Variants in ARHGEF19 observed in about 807,000 individuals in gnomAD.
ARHGEF19 encodes Rho guanine nucleotide exchange factor (GEF) 19.
In ARHGEF19, 92 loss-of-function variants were observed where a neutral mutation model predicts 87.6. The ratio of observed to expected loss-of-function variants is 1.05; its 90% CI spans 0.89 to 1.25. The LOEUF (loss-of-function observed/expected upper bound fraction) is 1.25, where lower values mean the gene tolerates loss of function less well. Ranked by LOEUF, ARHGEF19 falls within the 50% of genes most tolerant of loss-of-function variation. The pLI is 0.00. For missense variants in ARHGEF19, 1,054 were observed against 1,051.8 expected, an observed-to-expected ratio of 1.00 and a Z score of -0.03; for synonymous variants, 438 against 446.2, an observed-to-expected ratio of 0.98 and a Z score of 0.23.
rs769037249 is a variant in ARHGEF19, at chr1:16,206,910, G to GCCCGCCCCCGC, written c.1137+27_1137+37dup. 9 of 1,417,524 alleles carry GCCCGCCCCCGC rather than the reference G, an allele frequency of 6.3e-6. No homozygotes were observed. The South Asian group carries it at 7.4e-5, about 12-fold the overall frequency. 87.8% of individuals were successfully genotyped at this position (1,417,524 alleles called of 1,614,324 possible). ...AAGTCCCCGGACCGCGTACTCCCCG[G>GCCCGCCCCCGC]CCCGCCCCCGCCCCGCCGGGTCCCC... On this transcript the variant is annotated intron_variant, in intron 6 of 15. Coordinates refer to ENST00000270747, the MANE Select transcript of ARHGEF19 (RefSeq NM_153213.5). The surrounding 1 kb of genome is among the most constrained non-coding windows in gnomAD (Gnocchi z 4.6).
intron 1 of ARHGEF19, among the ~76,000 whole-genome samples, chr1:16,209,962 C>T (rs1159795235): frequency 6.6e-6 from 1 of 152,246 alleles, no homozygotes; most frequent in Admixed American, 6.5e-5. Flanking sequence ...GAGGGGCTGT[C>T]CCCCACCCCA....
At chr1:16,200,835 A>G (rs1196283506) in intron 14 of ARHGEF19, among the ~76,000 whole-genome samples, 1 of 152,104 alleles carries the variant, frequency 6.6e-6, no homozygotes. Flanking sequence ...CAGGAGGTGG[A>G]GGTTGCAATG....
chr1:16,202,351 A>G (rs1290171894), intron 13 of ARHGEF19, 65 bp downstream of exon 13: 46 of 1,511,712 alleles, frequency 3.0e-5, no homozygotes, highest in Non-Finnish European at 2.7e-6. Context: ...GGTGCCCATC[A>G]TGGGGACGGG....
Position 16,206,177 on chromosome 1 carries a change from C to T in ARHGEF19, c.1298+3G>A, listed in dbSNP as rs1360801399. ...CCCGGGCCAGGCCAGACCACTTCTT[C>T]ACCTCTCGCTGGTGCTCTTGACCTC... On this transcript the variant is annotated splice_donor_region_variant and intron_variant, in intron 7 of 15. Transcript: ENST00000270747. This position sits in a 1 kb window ranked among gnomAD's most constrained non-coding sequence, Gnocchi z 4.6. 23 of 1,592,500 alleles carry T rather than the reference C, an allele frequency of 1.4e-5. No homozygotes were observed. Among genetic ancestry groups the T allele is most frequent in the Non-Finnish European group, 1.5e-5 (18 of 1,167,742 alleles).
rs1289597389 is a variant in ARHGEF19, at chr1:16,208,732, G to A, written c.323C>T (p.Ala108Val). 6.8e-6 allele frequency: 11 copies of A among 1,609,942 alleles called. No individual in the cohort carries two copies. Among genetic ancestry groups the A allele is most frequent in the Non-Finnish European group, 9.3e-6 (11 of 1,178,672 alleles). ...RAGSWPHCPG[A>V]QPPALEGPWS... ...GGGTCCCTCCAGAGCTGGGGGCTGG[G>A]CACCAGGACAGTGTGGCCAGCTGCC... Residue 108 changes from alanine to valine, a missense_variant, in exon 2 of 16, where the codon GCC becomes GTC. By Grantham distance (64) the Ala-to-Val change is moderately conservative. Coordinates refer to ENST00000270747, the MANE Select transcript of ARHGEF19 (RefSeq NM_153213.5).
chr1:16,208,597 T>G, intron 2 of ARHGEF19, 46 bp downstream of exon 2: 2 of 1,543,698 alleles, frequency 1.3e-6, no homozygotes, highest in Non-Finnish European at 1.7e-6. Flanking sequence ...CCCTCCCCTA[T>G]CCCCCTGCCA....
At chr1:16,212,393 G>C (rs1451300487) in intron 1 of ARHGEF19, 109 bp downstream of exon 1, 1 of 152,496 alleles carries the variant, frequency 6.6e-6, no homozygotes, top group Non-Finnish European at 1.5e-5. Context: ...GAAGGCCATA[G>C]TGGGTCAGAG....
chr1:16,201,842 T>C lies in ARHGEF19; in HGVS notation c.2086A>G (p.Ile696Val), dbSNP rs767107706. The part of the protein sequence containing the change: ...ARTESEKQRW[I>V]SALCPSSPQE... Reference sequence around the variant, plus strand: ...GGGCTGGAGGGGCACAAGGCTGAGATCCATCGCTGCTTCTCACTTCTAGGG... The same window carrying C: ...GGGCTGGAGGGGCACAAGGCTGAGACCCATCGCTGCTTCTCACTTCTAGGG... The change falls in exon 14 of 16, where the codon ATC (isoleucine) becomes GTC (valine). Residue 696 changes from isoleucine (I) to valine (V), a missense_variant. Coordinates refer to ENST00000270747, the MANE Select transcript of ARHGEF19 (RefSeq NM_153213.5). The C allele has an allele frequency of 6.2e-7, 1 of 1,613,836 alleles. No individual in the cohort carries two copies. Among genetic ancestry groups the C allele is most frequent in the African/African-American group, 1.3e-5 (1 of 75,018 alleles).
chr1:16,211,331 G>A (rs974549532), intron 1 of ARHGEF19, among the ~76,000 whole-genome samples: 2 of 152,180 alleles, frequency 1.3e-5, no homozygotes, highest in Non-Finnish European at 2.9e-5. Flanking sequence ...AGTCCCACTT[G>A]CTTCTGGGGG....
In ARHGEF19 at chr1:16,202,561, C is replaced by T. The variant is rs2081092482; in HGVS notation, c.1921G>A (p.Ala641Thr). ...LSRRKELGKF[A>T]VFVHAKMAEL... Reference sequence around the variant, plus strand: ...GCCATCTTGGCATGGACGAAAACGGCAAACTTCCCTAGCCTGGAGGACCGG... The same window carrying T: ...GCCATCTTGGCATGGACGAAAACGGTAAACTTCCCTAGCCTGGAGGACCGG... Residue 641 changes from alanine to threonine, a missense_variant, in exon 13 of 16, where the codon GCC becomes ACC. Coordinates refer to ENST00000270747, the MANE Select transcript of ARHGEF19 (RefSeq NM_153213.5). The T allele has an allele frequency of 6.2e-7, 1 of 1,613,424 alleles. No homozygotes were observed.
chr1:16,206,956 G>A lies in ARHGEF19; in HGVS notation c.1129C>T (p.Leu377=). 1.3e-6 allele frequency: 2 copies of A among 1,492,158 alleles called. No homozygotes were observed. The highest frequency in any genetic ancestry group is 2.5e-5 in the South Asian group (2 of 79,630). The allele number at this position is 1,492,158 out of a possible 1,614,324, so 92.4% of individuals were successfully genotyped here. ...TCCCCGCGCGCGCCCACCTCCTGCAGCTTGCAGTCCCGCAGGCTCAGCGTG... is the reference window on the plus strand; with the variant it reads ...TCCCCGCGCGCGCCCACCTCCTGCAACTTGCAGTCCCGCAGGCTCAGCGTG... The part of the protein sequence containing the change: ...LATLSLRDCK[L]QEAKFELITS... Residue 377 remains leucine, a synonymous_variant, in exon 6 of 16, where the codon CTG becomes TTG. Transcript: ENST00000270747. This position sits in a 1 kb window ranked among gnomAD's most constrained non-coding sequence, Gnocchi z 4.6.
chr1:16,209,378 G>A (rs1411994271), intron 1 of ARHGEF19, among the ~76,000 whole-genome samples: 4 of 152,154 alleles, frequency 2.6e-5, no homozygotes, highest in African/African-American at 7.2e-5. Context: ...AGGTTATTTG[G>A]TAAATGGTGG....
rs752160925 is a variant in ARHGEF19 at position 16,202,414 on chromosome 1, A to C, written c.2066+2T>G. The C allele has an allele frequency of 6.2e-7, 1 of 1,609,588 alleles. No homozygotes were observed. Among genetic ancestry groups the C allele is most frequent in the Non-Finnish European group, 8.5e-7 (1 of 1,178,024 alleles). ...CTCTCTCCCATATCCAGGCCCACTC[A>C]CTCCGTCCGGGCCCGCAGCAGGAAC... is the stretch of plus-strand genomic sequence containing the variant. On this transcript the variant is annotated splice_donor_variant, in intron 13 of 15. Transcript: ENST00000270747. LOFTEE classifies it high-confidence loss of function.
chr1:16,209,351 G>T (rs1037706541), intron 1 of ARHGEF19, among the ~76,000 whole-genome samples: 3 of 152,208 alleles, frequency 2.0e-5, no homozygotes, highest in African/African-American at 7.2e-5. Flanking sequence ...TATAGGTGAG[G>T]AAACTGAGGC....
At position 16,206,184 on chromosome 1, in the gene ARHGEF19, C is replaced by A; in HGVS notation, c.1294G>T (p.Glu432Ter). ...SKLPEVKSTSERFLQDLEQRL... is the reference protein window; with the variant it reads ...SKLPEVKSTS Reference sequence around the variant, plus strand: ...CAGGCCAGACCACTTCTTCACCTCTCGCTGGTGCTCTTGACCTCGGGCAGT... The same window carrying A: ...CAGGCCAGACCACTTCTTCACCTCTAGCTGGTGCTCTTGACCTCGGGCAGT... Residue 432 changes from glutamate (E) to a stop codon, truncating the protein, a stop_gained, in exon 7 of 16, where the codon GAG becomes TAG. Transcript: ENST00000270747. LOFTEE classifies it high-confidence loss of function. The surrounding 1 kb of genome is among the most constrained non-coding windows in gnomAD (Gnocchi z 4.6). The A allele has an allele frequency of 6.3e-7, 1 of 1,594,456 alleles. No individual in the cohort carries two copies. The highest frequency in any genetic ancestry group is 1.1e-5 in the South Asian group (1 of 88,304).
At chr1:16,204,734 C>G in intron 12 of ARHGEF19, 25 bp downstream of exon 12, 1 of 1,549,286 alleles carries the variant, frequency 6.5e-7, no homozygotes, top group East Asian at 2.3e-5. Flanking sequence ...ACTTTACCTA[C>G]CCACCCCTGA....
At chr1:16,200,901 C>CA (rs1458687098) in intron 14 of ARHGEF19, among the ~76,000 whole-genome samples, 2 of 149,398 alleles carry the variant, frequency 1.3e-5, no homozygotes, top group African/African-American at 2.5e-5. Context: ...ACTGTGTCTC[C>CA]AAAAAAATAA....
At chr1:16,202,804 C>G (rs998224150) in intron 12 of ARHGEF19, among the ~76,000 whole-genome samples, 8 of 152,252 alleles carry the variant, frequency 5.3e-5, no homozygotes, top group African/African-American at 1.9e-4. Context: ...AGACCAGTCC[C>G]TGAGCCCCAA....
Position 16,207,294 on chromosome 1 carries a change from T to A in ARHGEF19, c.875-84A>T. On this transcript the variant is annotated intron_variant, in intron 5 of 15. Transcript: ENST00000270747. The surrounding 1 kb of genome is among the most constrained non-coding windows in gnomAD (Gnocchi z 4.0). ...TCCTCGGTTCCCTCAAGAGCCCGCG[T>A]CACTTAACCTTTGCCGCGGTTCGGA... 7.0e-7 allele frequency: 1 copy of A among 1,438,450 alleles called. No homozygotes were observed. Among genetic ancestry groups the A allele is most frequent in the South Asian group, 1.4e-5 (1 of 69,216 alleles). The allele number at this position is 1,438,450 out of a possible 1,614,324, so 89.1% of individuals were successfully genotyped here.
Sources: gnomAD v4.1 joint callset for allele counts (sites outside exome capture counted in the v4.1 genomes callset) on GRCh38, gnomAD v4.1.1 for gene constraint, Gnocchi (gnomAD v3.1) non-coding constraint, MANE v1.5 for transcripts, NCBI Gene and HGNC (gene_info 2026-07-23, HGNC 2026-07-21) for gene names.